Variants in DENND1A observed in about 807,000 individuals in gnomAD.
The protein encoded by DENND1A is DENN domain containing 1A.
In DENND1A, 51 loss-of-function variants were observed where a neutral mutation model predicts 113.7. The ratio of observed to expected loss-of-function variants is 0.45; its 90% CI spans 0.36 to 0.57. DENND1A has a LOEUF of 0.57. Among genes scored for constraint, DENND1A ranks in the 20% least tolerant of loss-of-function variants. The pLI is 0.00. For missense variants in DENND1A, 1,258 were observed against 1,395.9 expected (o/e 0.90, Z 1.57); for synonymous variants, 565 against 570.8 (o/e 0.99, Z 0.14).
chr9:123,445,289 G>T (rs1340289229), intron 18 of DENND1A, among the ~76,000 whole-genome samples: 1 of 152,212 alleles, frequency 6.6e-6, no homozygotes, highest in East Asian at 1.9e-4. Context: ...ACCCAGTGAT[G>T]AAAGAGTAGA....
intron 10 of DENND1A, among the ~76,000 whole-genome samples, chr9:123,625,330 C>T (rs893046719): frequency 2.6e-5 from 4 of 152,236 alleles, no homozygotes; most frequent in African/African-American, 9.6e-5. Flanking sequence ...TCAACAGTGG[C>T]AGCTATCTTC....
chr9:123,546,424 C>T (rs1475532938), intron 13 of DENND1A, among the ~76,000 whole-genome samples: 6 of 151,790 alleles, frequency 4.0e-5, no homozygotes, highest in South Asian at 2.1e-4. Flanking sequence ...TGGTGGTAGG[C>T]GCCTGTAGTC....
At chr9:123,816,331 C>A (rs538694403) in intron 2 of DENND1A, among the ~76,000 whole-genome samples, 1 of 152,188 alleles carries the variant, frequency 6.6e-6, no homozygotes, top group African/African-American at 2.4e-5. Context: ...TCACTAATTT[C>A]CCCAAGGTCA....
At chr9:123,487,203 C>T (rs2050956391) in intron 13 of DENND1A, among the ~76,000 whole-genome samples, 1 of 152,248 alleles carries the variant, frequency 6.6e-6, no homozygotes, top group African/African-American at 2.4e-5. Context: ...GGTAGCAAGA[C>T]AAGTCCGGGA....
At chr9:123,863,996 A>C (rs1372422527) in intron 2 of DENND1A, among the ~76,000 whole-genome samples, 1 of 151,950 alleles carries the variant, frequency 6.6e-6, no homozygotes, top group Non-Finnish European at 1.5e-5. Flanking sequence ...ACTCAAAAAA[A>C]AAAAACACAC....
Position 123,583,335 on chromosome 9 carries a change from C to T in DENND1A, c.766-65G>A, listed in dbSNP as rs1267905918. On this transcript the variant is annotated intron_variant, in intron 11 of 23. Transcript: ENST00000394215. Reference sequence around the variant, plus strand: ...GTGCCATCAAGACACACTTCCCCTGCCTTCTCTGGGGAAGAGGCATAGAGA... The same window carrying T: ...GTGCCATCAAGACACACTTCCCCTGTCTTCTCTGGGGAAGAGGCATAGAGA... 3.3e-6 allele frequency: 4 copies of T among 1,203,064 alleles called. No homozygotes were observed. The East Asian group carries it at 7.3e-5, about 22-fold the overall frequency. 74.5% of individuals were successfully genotyped at this position (1,203,064 alleles called of 1,614,324 possible).
Position 123,383,649 on chromosome 9 carries a change from C to A in DENND1A, c.2019+6G>T. ...CGGCCGATACCCTCCCTTGCCCATGCCATACCTGATAGTCAAAGGTCCCTG... is the reference window on the plus strand; with the variant it reads ...CGGCCGATACCCTCCCTTGCCCATGACATACCTGATAGTCAAAGGTCCCTG... On this transcript the variant is annotated splice_donor_region_variant and intron_variant, in intron 23 of 23. Coordinates refer to ENST00000394215, the MANE Select transcript of DENND1A (RefSeq NM_001352964.2). 1 of 1,611,968 alleles carries A rather than the reference C, an allele frequency of 6.2e-7. No individual in the cohort carries two copies. The highest frequency in any genetic ancestry group is 1.1e-5 in the South Asian group (1 of 90,958).
At chr9:123,410,511 C>T (rs1220148633) in intron 20 of DENND1A, among the ~76,000 whole-genome samples, 4 of 152,142 alleles carry the variant, frequency 2.6e-5, no homozygotes, top group Non-Finnish European at 5.9e-5. Context: ...TGTGGACTCG[C>T]GACGGTCACA....
chr9:123,818,535 C>T (rs1461707178), intron 2 of DENND1A, among the ~76,000 whole-genome samples: 1 of 141,204 alleles, frequency 7.1e-6, no homozygotes, highest in Middle Eastern at 3.6e-3. Flanking sequence ...CACACACACA[C>T]ACACACACAC....
intron 11 of DENND1A, among the ~76,000 whole-genome samples, chr9:123,586,745 A>C (rs2136907176): frequency 6.6e-6 from 1 of 152,316 alleles, no homozygotes; most frequent in Non-Finnish European, 1.5e-5. Flanking sequence ...AAAGGCAAGA[A>C]AAACTCAAAC....
At chr9:123,458,592 G>A (rs1449606741) in intron 13 of DENND1A, among the ~76,000 whole-genome samples, 1 of 152,186 alleles carries the variant, frequency 6.6e-6, no homozygotes, top group Non-Finnish European at 1.5e-5. Flanking sequence ...GCCCTCCAAT[G>A]TGAAGATTTC....
chr9:123,402,684 G>C, intron 21 of DENND1A: 1 of 518,904 alleles, frequency 1.9e-6, no homozygotes, highest in Admixed American at 2.0e-5. Flanking sequence ...TCCTTTTGCG[G>C]ACAAAGGGAA....
At position 123,630,451 on chromosome 9, in the gene DENND1A, G is replaced by A. The variant is rs766053621; in HGVS notation, c.644C>T (p.Ala215Val). Reference protein sequence around the residue: ...STLTACIHGSAAMLYPMYWQH... With the variant: ...STLTACIHGSVAMLYPMYWQH... ...CCAGTACATGGGGTAGAGCATCGCC[G>A]CAGACCCGTGGATGCAGGCAGTCAG... The change falls in exon 10 of 24, where the codon GCG (alanine) becomes GTG (valine). Residue 215 changes from alanine to valine, a missense_variant. Ala to Val is a moderately conservative substitution (Grantham distance 64). Coordinates refer to ENST00000394215, the MANE Select transcript of DENND1A (RefSeq NM_001352964.2). The A allele has an allele frequency of 4.2e-5, 67 of 1,594,726 alleles. No individual in the cohort carries two copies. Among genetic ancestry groups the A allele is most frequent in the African/African-American group, 6.7e-5 (5 of 74,636 alleles).
rs570518521 is a variant in DENND1A, at chr9:123,757,188, C to G, written c.302+515G>C. 4.9e-4 allele frequency among the ~76,000 whole-genome samples: 74 copies of G among 152,262 alleles called. 1 individual carries two copies. The highest frequency in any genetic ancestry group is 1.7e-3 in the African/African-American group (70 of 41,542). On this transcript the variant is annotated intron_variant, in intron 5 of 23. Transcript: ENST00000394215. Reference sequence around the variant, plus strand: ...GGGGCTTTTAGAAGACCTGAAGAAGCCTTCTTACACGATTCTTAATTTTTT... The same window carrying G: ...GGGGCTTTTAGAAGACCTGAAGAAGGCTTCTTACACGATTCTTAATTTTTT...
At chr9:123,424,710 CTT>C (rs1287222212) in intron 19 of DENND1A, among the ~76,000 whole-genome samples, 1 of 152,234 alleles carries the variant, frequency 6.6e-6, no homozygotes, top group Non-Finnish European at 1.5e-5. Flanking sequence ...TGCTCTGCCA[CTT>C]ACTGTGTGAC....
intron 15 of DENND1A, 114 bp downstream of exon 15, chr9:123,457,234 G>A (rs540512701): frequency 3.8e-6 from 3 of 789,286 alleles, no homozygotes; most frequent in Admixed American, 4.2e-5. Context: ...AAGCTTGAAA[G>A]CAGTCTCTTC....
At chr9:123,714,471 G>A (rs549189527) in intron 5 of DENND1A, among the ~76,000 whole-genome samples, 111 of 152,166 alleles carry the variant, frequency 7.3e-4, no homozygotes, top group South Asian at 6.0e-3. Flanking sequence ...GTGTGGTGGT[G>A]CATGCCTGTA....
chr9:123,635,690 G>A (rs1260855120), intron 9 of DENND1A, among the ~76,000 whole-genome samples: 1 of 152,198 alleles, frequency 6.6e-6, no homozygotes, highest in African/African-American at 2.4e-5. Context: ...TTTAACTAAG[G>A]TGTTGTAGTG....
At chr9:123,426,248 C>T (rs1447502311) in intron 19 of DENND1A, among the ~76,000 whole-genome samples, 1 of 152,118 alleles carries the variant, frequency 6.6e-6, no homozygotes, top group Non-Finnish European at 1.5e-5. Context: ...GGCTGCAGGC[C>T]CTGCCTATCT....
Sources: allele counts gnomAD v4.1 joint callset (sites outside exome capture counted in the v4.1 genomes callset), GRCh38; gene constraint gnomAD v4.1.1; transcripts MANE v1.5; gene names NCBI Gene and HGNC (gene_info 2026-07-23, HGNC 2026-07-21).